Variants in SAP130 observed in about 807,000 individuals in gnomAD.
The protein encoded by SAP130 is histone deacetylase complex subunit SAP130.
A neutral mutation model predicts 103.2 loss-of-function variants in SAP130; 16 were observed. The ratio of observed to expected loss-of-function variants is 0.16; its 90% CI spans 0.10 to 0.24. SAP130 has a LOEUF of 0.24. Among genes scored for constraint, SAP130 ranks in the 10% least tolerant of loss-of-function variants. SAP130 has a pLI of 1.00. For synonymous variants in SAP130, 477 were observed against 497.0 expected (o/e 0.96, Z 0.53); for missense variants, 990 against 1,359.7 (o/e 0.73, Z 4.28).
intron 14 of SAP130, among the ~76,000 whole-genome samples, chr2:127,980,122 G>A (rs547893591): frequency 6.6e-6 from 1 of 152,024 alleles, no homozygotes; most frequent in South Asian, 2.1e-4. Context: ...CAGATGATCT[G>A]CCCGCCTTGG....
At chr2:128,018,335 A>C (rs1400718946) in intron 2 of SAP130, among the ~76,000 whole-genome samples, 3 of 148,744 alleles carry the variant, frequency 2.0e-5, no homozygotes, top group Non-Finnish European at 4.5e-5. Flanking sequence ...AAAAAAACAA[A>C]CCAAAAACCA....
chr2:128,026,621 C>G (rs182618168), intron 1 of SAP130, among the ~76,000 whole-genome samples: 8 of 152,322 alleles, frequency 5.3e-5, no homozygotes, highest in African/African-American at 1.7e-4. Flanking sequence ...GTGTATTTCT[C>G]TGTGTAAAGT....
chr2:127,951,045 T>C (rs1312559144), intron 16 of SAP130, among the ~76,000 whole-genome samples: 1 of 152,188 alleles, frequency 6.6e-6, no homozygotes, highest in Non-Finnish European at 1.5e-5. Context: ...ATTAACTCAT[T>C]ATCGTAAAAA....
intron 15 of SAP130, among the ~76,000 whole-genome samples, chr2:127,977,756 C>G (rs928218873): frequency 6.6e-6 from 1 of 152,154 alleles, no homozygotes; most frequent in African/African-American, 2.4e-5. Flanking sequence ...AGTGGTGGCA[C>G]ACGTCTATAG....
intron 15 of SAP130, 90 bp downstream of exon 15, chr2:127,977,895 A>C: frequency 9.9e-7 from 1 of 1,005,134 alleles, no homozygotes; most frequent in Middle Eastern, 2.1e-4. Flanking sequence ...ATAACCTAAC[A>C]AGACTATGTC....
intron 14 of SAP130, among the ~76,000 whole-genome samples, chr2:127,978,907 G>A (rs976507311): frequency 6.6e-6 from 1 of 152,142 alleles, no homozygotes; most frequent in African/African-American, 2.4e-5. Context: ...GTGGAAGATA[G>A]AACAAGTGAA....
At chr2:127,965,242 A>G (rs915340555) in intron 15 of SAP130, among the ~76,000 whole-genome samples, 1 of 152,142 alleles carries the variant, frequency 6.6e-6, no homozygotes, top group East Asian at 1.9e-4. Flanking sequence ...GGTTGTGGTG[A>G]GCCGAGATTG....
At chr2:128,016,051 C>T (rs1043513791) in intron 4 of SAP130, among the ~76,000 whole-genome samples, 10 of 152,062 alleles carry the variant, frequency 6.6e-5, no homozygotes, top group African/African-American at 2.2e-4. Context: ...TGCCTACCCC[C>T]GGAAGGCAGT....
intron 14 of SAP130, among the ~76,000 whole-genome samples, chr2:127,980,391 G>T (rs1681779780): frequency 6.6e-6 from 1 of 152,158 alleles, no homozygotes; most frequent in Non-Finnish European, 1.5e-5. Flanking sequence ...CAGAACAAGT[G>T]TTGGTGAGGA....
rs993824438 is a variant in SAP130, at chr2:128,000,429, G to A, written c.895C>T (p.Pro299Ser). 1 of 1,614,058 alleles carries A rather than the reference G, an allele frequency of 6.2e-7. No homozygotes were observed. Reference protein sequence around the residue: ...LSRPTLSIQHPPSAAISIQRP... With the variant: ...LSRPTLSIQHSPSAAISIQRP... Reference sequence around the variant, plus strand: ...TGAATACTGATTGCTGCAGATGGAGGATGCTGGATAGACAAGGTTGGCCTA... The same window carrying A: ...TGAATACTGATTGCTGCAGATGGAGAATGCTGGATAGACAAGGTTGGCCTA... Residue 299 changes from proline (P) to serine (S), a missense_variant, in exon 8 of 21, where the codon CCT becomes TCT. Transcript: ENST00000643581.
At chr2:127,976,683 G>T in intron 15 of SAP130, among the ~76,000 whole-genome samples, 1 of 152,318 alleles carries the variant, frequency 6.6e-6, no homozygotes. Context: ...AGGCCAAGGC[G>T]GGCGGTTCAC....
intron 15 of SAP130, among the ~76,000 whole-genome samples, chr2:127,963,614 C>A (rs569755486): frequency 3.3e-5 from 5 of 152,290 alleles, no homozygotes; most frequent in South Asian, 4.2e-4. Flanking sequence ...TGTGTCCCCA[C>A]ACAAATCTCA....
At chr2:128,021,686 T>C (rs1449172132) in intron 2 of SAP130, among the ~76,000 whole-genome samples, 1 of 152,228 alleles carries the variant, frequency 6.6e-6, no homozygotes, top group Non-Finnish European at 1.5e-5. Flanking sequence ...GGTCAAATGG[T>C]AAGTATATGT....
chr2:128,003,685 G>A (rs1182946656), intron 7 of SAP130, among the ~76,000 whole-genome samples: 1 of 151,670 alleles, frequency 6.6e-6, no homozygotes, highest in Non-Finnish European at 1.5e-5. Flanking sequence ...ACAGTCAGAG[G>A]GAGTAAGTAA....
intron 7 of SAP130, among the ~76,000 whole-genome samples, chr2:128,000,838 G>A (rs1683507882): frequency 6.6e-6 from 1 of 152,114 alleles, no homozygotes; most frequent in Admixed American, 6.5e-5. Context: ...GGAAGTCAGG[G>A]TTACAGTGAG....
chr2:127,995,743 A>G (rs1559079776), intron 11 of SAP130, among the ~76,000 whole-genome samples: 1 of 152,234 alleles, frequency 6.6e-6, no homozygotes, highest in Admixed American at 6.5e-5. Flanking sequence ...GGAGAAAAAC[A>G]TGCTTTTCCA....
At chr2:127,987,369 A>G (rs1381161370) in intron 13 of SAP130, among the ~76,000 whole-genome samples, 1 of 151,862 alleles carries the variant, frequency 6.6e-6, no homozygotes, top group Non-Finnish European at 1.5e-5. Context: ...ATTTTTTAGT[A>G]GAGACGGGGT....
intron 7 of SAP130, among the ~76,000 whole-genome samples, chr2:128,006,473 G>A (rs192295979): frequency 7.4e-4 from 113 of 152,240 alleles, no homozygotes; most frequent in Admixed American, 1.3e-3. Context: ...TGAAGGTTTG[G>A]TAGAATTCTA....
intron 15 of SAP130, among the ~76,000 whole-genome samples, chr2:127,973,466 G>C (rs887752023): frequency 6.6e-6 from 1 of 152,136 alleles, no homozygotes; most frequent in African/African-American, 2.4e-5. Flanking sequence ...TCCTGACCTC[G>C]GGTGATCCGC....
Sources: gnomAD v4.1 joint callset for allele counts (sites outside exome capture counted in the v4.1 genomes callset) on GRCh38, gnomAD v4.1.1 for gene constraint, MANE v1.5 for transcripts, NCBI Gene and HGNC (gene_info 2026-07-23, HGNC 2026-07-21) for gene names.